The following PAN3 variants were observed in gnomAD, a reference collection of about 807,000 sequenced individuals.
The protein encoded by PAN3 is PAN2-PAN3 deadenylation complex subunit PAN3.
PAN3 carries 19 observed loss-of-function variants against 96.2 expected under a neutral mutation model. The ratio of observed to expected loss-of-function variants is 0.20; its 90% CI spans 0.14 to 0.29. The LOEUF (loss-of-function observed/expected upper bound fraction) is 0.29, where lower values mean the gene tolerates loss of function less well. Ranked by LOEUF, PAN3 falls within the 10% of genes least tolerant of loss-of-function variation. The pLI is 1.00. For missense variants in PAN3, 882 were observed against 1,108.1 expected (o/e 0.80, Z 2.90); for synonymous variants, 433 against 406.6 (o/e 1.06, Z -0.78).
chr13:28,226,500 T>G (rs542000077), intron 6 of PAN3, among the ~76,000 whole-genome samples: 87 of 152,306 alleles, frequency 5.7e-4, no homozygotes, highest in African/African-American at 2.1e-3. Context: ...ACAAATTGCT[T>G]AAGAAGAAGG....
At chr13:28,173,814 C>T (rs899433163) in intron 1 of PAN3, among the ~76,000 whole-genome samples, 6 of 152,196 alleles carry the variant, frequency 3.9e-5, no homozygotes, top group East Asian at 1.9e-4. Flanking sequence ...CTATTGCTAC[C>T]TCTGCAGATT....
chr13:28,197,138 G>A, intron 4 of PAN3, 47 bp from the exon 5 acceptor site: 1 of 1,585,276 alleles, frequency 6.3e-7, no homozygotes, highest in African/African-American at 1.3e-5. Flanking sequence ...TTAGATTAGT[G>A]TGGGGGATGT....
intron 5 of PAN3, chr13:28,216,000 G>A: frequency 7.3e-6 from 5 of 682,638 alleles, no homozygotes; most frequent in Non-Finnish European, 1.0e-5. Context: ...GTAAAAGACT[G>A]GTTAAAGATA....
intron 6 of PAN3, among the ~76,000 whole-genome samples, chr13:28,251,019 T>C (rs930660524): frequency 6.6e-6 from 1 of 152,216 alleles, no homozygotes; most frequent in Non-Finnish European, 1.5e-5. Flanking sequence ...TATTTATTTA[T>C]TTATTGTTTC....
intron 5 of PAN3, among the ~76,000 whole-genome samples, chr13:28,203,712 G>C (rs1366402979): frequency 6.6e-6 from 1 of 151,938 alleles, no homozygotes; most frequent in Non-Finnish European, 1.5e-5. Flanking sequence ...AAGTATTCTT[G>C]CTATTTTTTA....
intron 4 of PAN3, among the ~76,000 whole-genome samples, chr13:28,185,863 T>G (rs1876396722): frequency 6.6e-6 from 1 of 152,200 alleles, no homozygotes; most frequent in African/African-American, 2.4e-5. Flanking sequence ...TTCTTTACAC[T>G]CTGGTCATTC....
chr13:28,239,822 T>C (rs1205171796), intron 6 of PAN3: 2 of 411,552 alleles, frequency 4.9e-6, no homozygotes, highest in African/African-American at 4.2e-5. Context: ...ATCAGTATTC[T>C]TACTGACTTC....
chr13:28,141,361 TTC>T (rs983105305), intron 1 of PAN3, among the ~76,000 whole-genome samples: 13 of 151,844 alleles, frequency 8.6e-5, no homozygotes, highest in Admixed American at 7.9e-4. Flanking sequence ...CTTTCTAGGA[TTC>T]TCTTTTTAAA....
chr13:28,240,239 TATA>T (rs1476592538), intron 6 of PAN3, among the ~76,000 whole-genome samples: 3 of 152,108 alleles, frequency 2.0e-5, no homozygotes, highest in Non-Finnish European at 2.9e-5. Context: ...TGAGATTAAT[TATA>T]ATGTTTAATT....
intron 4 of PAN3, among the ~76,000 whole-genome samples, chr13:28,186,470 A>G (rs1876482441): frequency 1.3e-5 from 2 of 152,194 alleles, no homozygotes; most frequent in African/African-American, 2.4e-5. Context: ...ACATTAATGG[A>G]TATAGTGTTT....
At position 28,260,378 on chromosome 13, in the gene PAN3, A is replaced by G. The variant is rs1885593891; in HGVS notation, c.1249-69A>G. ...CACTGAACTCCAGCCTGGGCAACAG[A>G]GCAAGACTCCATCTGAAAAAAAGAA... On this transcript the variant is annotated intron_variant, in intron 7 of 18. Coordinates refer to ENST00000380958, the MANE Select transcript of PAN3 (RefSeq NM_175854.8). 3 of 1,233,124 alleles carry G rather than the reference A, an allele frequency of 2.4e-6. No individual in the cohort carries two copies. The South Asian group carries it at 3.7e-5, about 15-fold the overall frequency. The allele number at this position is 1,233,124 out of a possible 1,614,324, so 76.4% of individuals were successfully genotyped here. A position where few individuals can be genotyped will look rare whatever the true frequency, so the allele number is the denominator to read the frequency against.
chr13:28,215,743 C>T (rs1210193117), intron 5 of PAN3: 4 of 1,492,618 alleles, frequency 2.7e-6, no homozygotes, highest in African/African-American at 2.8e-5. Flanking sequence ...CCCATGTGTG[C>T]TGAGAGCTTC....
Position 28,178,087 on chromosome 13 carries a change from A to G in PAN3, c.690+152A>G, listed in dbSNP as rs7991687. On this transcript the variant is annotated intron_variant, in intron 4 of 18. Transcript: ENST00000380958. ...TGCCTTTTGTTTATCCTTTTTCTTT[A>G]TCTTTTTATATGTGGAAATTTATTT... 681 of 645,324 alleles carry G rather than the reference A, an allele frequency of 1.1e-3. 2 individuals are homozygous for G. In the African/African-American group the frequency reaches 0.012, roughly 11 times the overall value. The allele number at this position is 645,324 out of a possible 1,614,324, so 40.0% of individuals were successfully genotyped here.
chr13:28,196,026 G>GT (rs538028701), intron 4 of PAN3, among the ~76,000 whole-genome samples: 5,431 of 135,028 alleles, frequency 0.04, 143 homozygotes, highest in African/African-American at 0.082. Flanking sequence ...GTTTTTTTTT[G>GT]TTTTTTTTTT....
chr13:28,207,644 A>G (rs1011538405), intron 5 of PAN3, among the ~76,000 whole-genome samples: 13 of 152,232 alleles, frequency 8.5e-5, no homozygotes, highest in Admixed American at 5.9e-4. Context: ...GATTGAATTC[A>G]TACATACGGT....
At chr13:28,164,108 C>G (rs1873236562) in intron 1 of PAN3, among the ~76,000 whole-genome samples, 3 of 152,054 alleles carry the variant, frequency 2.0e-5, no homozygotes, top group South Asian at 4.1e-4. Context: ...AAACCAAAAC[C>G]TTTATTGAAA....
chr13:28,276,240 G>A (rs574519126), intron 14 of PAN3, among the ~76,000 whole-genome samples: 1 of 152,286 alleles, frequency 6.6e-6, no homozygotes, highest in South Asian at 2.1e-4. Flanking sequence ...GTAATATACA[G>A]CTATGCTTGA....
chr13:28,271,385 G>A (rs558372054), intron 13 of PAN3, among the ~76,000 whole-genome samples: 11 of 152,314 alleles, frequency 7.2e-5, no homozygotes, highest in African/African-American at 2.6e-4. Context: ...CTGTAATTTT[G>A]TGATTGTCTT....
At chr13:28,225,220 G>A (rs923347846) in intron 6 of PAN3, among the ~76,000 whole-genome samples, 13 of 151,986 alleles carry the variant, frequency 8.6e-5, no homozygotes, top group African/African-American at 2.9e-4. Flanking sequence ...AGGGAAAAAG[G>A]GAAGGGAAAG....
Sources: allele counts gnomAD v4.1 joint callset (sites outside exome capture counted in the v4.1 genomes callset), GRCh38; gene constraint gnomAD v4.1.1; transcripts MANE v1.5; gene names NCBI Gene and HGNC (gene_info 2026-07-23, HGNC 2026-07-21).